SKAP2: variants seen among roughly 807,000 people sequenced by gnomAD.
The protein encoded by SKAP2 is src kinase associated phosphoprotein 2, also known as src kinase-associated phosphoprotein 2.
SKAP2 carries 28 observed loss-of-function variants against 54.9 expected under a neutral mutation model. That is an observed-to-expected ratio of 0.51 (90% CI 0.38 to 0.70). The LOEUF is 0.70. SKAP2 is among the 30% of genes least tolerant of loss of function. SKAP2 has a pLI of 0.00. For missense variants in SKAP2, 356 were observed against 424.1 expected (o/e 0.84, Z 1.41); for synonymous variants, 137 against 134.3 (o/e 1.02, Z -0.14).
At chr7:26,756,353 G>C (rs997187007) in intron 4 of SKAP2, among the ~76,000 whole-genome samples, 3 of 152,024 alleles carry the variant, frequency 2.0e-5, no homozygotes, top group East Asian at 1.9e-4. Flanking sequence ...ACAGGTCCCG[G>C]TGTGTGATGT....
intron 9 of SKAP2, among the ~76,000 whole-genome samples, chr7:26,698,547 A>G (rs770103831): frequency 6.6e-6 from 1 of 152,244 alleles, no homozygotes; most frequent in Non-Finnish European, 1.5e-5. Flanking sequence ...ATGAAGCAGT[A>G]ATAATTATTT....
At chr7:26,854,710 C>T (rs1785123317) in intron 2 of SKAP2, 75 bp downstream of exon 2, 3 of 1,395,556 alleles carry the variant, frequency 2.1e-6, no homozygotes, top group South Asian at 2.6e-5. Flanking sequence ...CCATAATAAT[C>T]GATTTCTTAT....
intron 4 of SKAP2, among the ~76,000 whole-genome samples, chr7:26,832,998 A>G (rs1784627554): frequency 6.6e-6 from 1 of 152,190 alleles, no homozygotes; most frequent in African/African-American, 2.4e-5. Context: ...TCATTCTCTA[A>G]GCAAGCGAAC....
intron 11 of SKAP2, among the ~76,000 whole-genome samples, chr7:26,680,596 T>G (rs1786469356): frequency 6.6e-6 from 1 of 152,128 alleles, no homozygotes; most frequent in Non-Finnish European, 1.5e-5. Context: ...ATTTGATCCA[T>G]TTTTTAAGAG....
the SKAP2 span, among the ~76,000 whole-genome samples, chr7:26,658,963 G>A: frequency 1.3e-5 from 2 of 151,996 alleles, no homozygotes; most frequent in African/African-American, 4.8e-5. Flanking sequence ...AGAGCATATA[G>A]GCCAGACCTC....
At chr7:26,758,077 A>T (rs1351722485) in intron 4 of SKAP2, among the ~76,000 whole-genome samples, 3 of 152,196 alleles carry the variant, frequency 2.0e-5, no homozygotes, top group Non-Finnish European at 4.4e-5. Context: ...ACTATTTTTT[A>T]AAATTTAAGA....
chr7:26,824,801 G>C (rs1784453703), intron 4 of SKAP2, among the ~76,000 whole-genome samples: 1 of 152,092 alleles, frequency 6.6e-6, no homozygotes, highest in South Asian at 2.1e-4. Context: ...ATAGCAACAA[G>C]CCAAATTTGC....
intron 4 of SKAP2, among the ~76,000 whole-genome samples, chr7:26,796,349 T>G (rs1233278195): frequency 1.4e-5 from 2 of 146,654 alleles, no homozygotes; most frequent in African/African-American, 2.5e-5. Flanking sequence ...TAATTGACAC[T>G]AATCATCTCC....
intron 4 of SKAP2, among the ~76,000 whole-genome samples, chr7:26,830,604 T>C (rs1784577102): frequency 6.6e-6 from 1 of 152,154 alleles, no homozygotes; most frequent in Non-Finnish European, 1.5e-5. Flanking sequence ...CAATGTGCTA[T>C]TCATATATAA....
At chr7:26,674,646 A>C (rs1404965897) in intron 11 of SKAP2, among the ~76,000 whole-genome samples, 3 of 152,202 alleles carry the variant, frequency 2.0e-5, no homozygotes, top group Middle Eastern at 3.2e-3. Context: ...ACCTGATTGA[A>C]GACACTAAGT....
chr7:26,787,758 C>T (rs1269890836), intron 4 of SKAP2, among the ~76,000 whole-genome samples: 4 of 152,166 alleles, frequency 2.6e-5, no homozygotes, highest in African/African-American at 4.8e-5. Context: ...CACTCATTGT[C>T]GCATACTATT....
intron 9 of SKAP2, among the ~76,000 whole-genome samples, chr7:26,720,716 T>A (rs1024216752): frequency 2.0e-5 from 3 of 152,112 alleles, no homozygotes; most frequent in Non-Finnish European, 4.4e-5. Flanking sequence ...CATGGCAGCA[T>A]CGAGAAGAAT....
chr7:26,860,794 G>C (rs1465113116), intron 1 of SKAP2, among the ~76,000 whole-genome samples: 1 of 1,908 alleles, frequency 5.2e-4, no homozygotes, highest in Non-Finnish European at 1.1e-3. Context: ...TCCCTTTAGG[G>C]GACTGATTAC....
chr7:26,703,097 T>C lies in SKAP2; in HGVS notation c.797-12735A>G, dbSNP rs371478284. ...TGCTGCTGGTCCCAGGACAGTACTT[T>C]TGAGAACCATGGCTCAGAGCCGTAT... is the stretch of plus-strand genomic sequence containing the variant. On this transcript the variant is annotated intron_variant, in intron 9 of 12. Coordinates refer to ENST00000345317, the MANE Select transcript of SKAP2 (RefSeq NM_003930.5). Among the ~76,000 whole-genome samples, 8 of 152,322 alleles carry C rather than the reference T, an allele frequency of 5.3e-5. No individual in the cohort carries two copies. In the East Asian group the frequency reaches 1.2e-3, roughly 22 times the overall value.
intron 4 of SKAP2, among the ~76,000 whole-genome samples, chr7:26,821,415 A>G (rs1380270567): frequency 6.6e-6 from 1 of 152,220 alleles, no homozygotes; most frequent in East Asian, 1.9e-4. Context: ...TGTAAAATAG[A>G]ATCACAGGTT....
At chr7:26,760,677 C>G (rs1010601281) in intron 4 of SKAP2, among the ~76,000 whole-genome samples, 2 of 151,948 alleles carry the variant, frequency 1.3e-5, no homozygotes, top group East Asian at 1.9e-4. Flanking sequence ...ATTTTTGGAC[C>G]CTGGTTGACT....
chr7:26,755,315 C>T (rs2127968220), intron 4 of SKAP2, among the ~76,000 whole-genome samples: 1 of 141,388 alleles, frequency 7.1e-6, no homozygotes, highest in Admixed American at 6.7e-5. Flanking sequence ...TTCTCACCAA[C>T]CAAAGAAGTC....
intron 9 of SKAP2, among the ~76,000 whole-genome samples, chr7:26,703,413 C>G (rs905783601): frequency 6.6e-6 from 1 of 152,094 alleles, no homozygotes; most frequent in Non-Finnish European, 1.5e-5. Context: ...CTTCAAAATA[C>G]AGATATATGT....
At chr7:26,696,353 A>T (rs1786895396) in intron 9 of SKAP2, among the ~76,000 whole-genome samples, 1 of 152,196 alleles carries the variant, frequency 6.6e-6, no homozygotes, top group Admixed American at 6.5e-5. Context: ...GAAATTTGGC[A>T]AAGTGGGGCC....
Sources: gnomAD v4.1 joint callset for allele counts (sites outside exome capture counted in the v4.1 genomes callset) on GRCh38, gnomAD v4.1.1 for gene constraint, MANE v1.5 for transcripts, NCBI Gene and HGNC (gene_info 2026-07-23, HGNC 2026-07-21) for gene names.